Variants in HP1BP3 observed in about 807,000 individuals in gnomAD.
HP1BP3 encodes the protein heterochromatin protein 1 binding protein 3, also known as heterochromatin protein 1-binding protein 3.
A neutral mutation model predicts 62.5 loss-of-function variants in HP1BP3; 12 were observed. The ratio of observed to expected loss-of-function variants is 0.19; its 90% confidence interval spans 0.12 to 0.31. HP1BP3 has a LOEUF of 0.31. HP1BP3 is among the 10% of genes least tolerant of loss of function. HP1BP3 has a pLI of 1.00. For synonymous variants in HP1BP3, 260 were observed against 237.8 expected (o/e 1.09, Z -0.86); for missense variants, 502 against 651.8 (o/e 0.77, Z 2.50).
At chr1:20,775,637 A>T in intron 4 of HP1BP3, 1 of 188,996 alleles carries the variant, frequency 5.3e-6, no homozygotes, top group Non-Finnish European at 1.1e-5. Flanking sequence ...CATTCATGGT[A>T]GGTGTCCTAC....
chr1:20,764,640 A>G (rs1208005895), intron 8 of HP1BP3, among the ~76,000 whole-genome samples: 1 of 150,682 alleles, frequency 6.6e-6, no homozygotes, highest in African/African-American at 2.4e-5. Context: ...GACAACATTT[A>G]AAAGAGTTAC....
chr1:20,749,416 T>C (rs56356353), intron 10 of HP1BP3, among the ~76,000 whole-genome samples: 2,909 of 151,436 alleles, frequency 0.019, 27 homozygotes, highest in Non-Finnish European at 0.024. Flanking sequence ...TGGAGTACAA[T>C]GGTGCAATCT....
At chr1:20,786,099 G>C (rs2057811771) in intron 1 of HP1BP3, 1 of 151,660 alleles carries the variant, frequency 6.6e-6, no homozygotes, top group South Asian at 2.1e-4. Context: ...CTCCGTACGG[G>C]AGACAACTCT....
Position 20,747,658 on chromosome 1 carries a change from GAA to G in HP1BP3, c.1142-5_1142-4del. On this transcript the variant is annotated splice_region_variant and splice_polypyrimidine_tract_variant and intron_variant, in intron 10 of 12. Coordinates refer to ENST00000438032, the MANE Select transcript of HP1BP3 (RefSeq NM_001372052.1). The stretch of plus-strand genomic sequence containing the variant: ...CAGGGTTTTTTTCAGCAAATGCACT[GAA>G]AAAAAAAATTCAGAAATGAAAGTTA... 1.3e-6 allele frequency: 2 copies of G among 1,506,412 alleles called. No homozygotes were observed. The highest frequency in any genetic ancestry group is 1.8e-6 in the Non-Finnish European group (2 of 1,106,680). The allele number at this position is 1,506,412 out of a possible 1,614,324, so 93.3% of individuals were successfully genotyped here.
rs1252948654 is a variant in HP1BP3 at position 20,744,574 on chromosome 1, G to A, written c.*223C>T. The stretch of plus-strand genomic sequence containing the variant: ...ACATTACATAGTTTAGGAAAGTCCA[G>A]GATTATTGCAGAAATTAAAATGAAC... On this transcript the variant is annotated 3_prime_UTR_variant, in exon 13 of 13. Transcript: ENST00000438032. 1 of 529,962 alleles carries A rather than the reference G, an allele frequency of 1.9e-6. No homozygotes were observed. The highest frequency in any genetic ancestry group is 1.9e-5 in the African/African-American group (1 of 52,002). 32.8% of individuals were successfully genotyped at this position (529,962 alleles called of 1,614,324 possible).
chr1:20,787,274 C>A lies in HP1BP3; in HGVS notation c.-180G>T. ...TCCCGCCGCCGCTAGTCGCCTCCGC[C>A]ACCGCTGTCCTCCAGTCCCAGCCGC... On this transcript the variant is annotated 5_prime_UTR_variant, in exon 1 of 13. Transcript: ENST00000438032. 6.6e-6 allele frequency: 1 copy of A among 151,830 alleles called. No homozygotes were observed. The highest frequency in any genetic ancestry group is 1.8e-4 in the South Asian group (1 of 5,562). The allele number at this position is 151,830 out of a possible 1,614,324, so 9.4% of individuals were successfully genotyped here.
rs2055118416 is a variant in HP1BP3 at position 20,742,748 on chromosome 1, C to G, written c.*2049G>C. 6.6e-6 allele frequency: 1 copy of G among 152,570 alleles called. No homozygotes were observed. The highest frequency in any genetic ancestry group is 2.1e-4 in the South Asian group (1 of 4,834). 9.5% of individuals were successfully genotyped at this position (152,570 alleles called of 1,614,324 possible). On this transcript the variant is annotated 3_prime_UTR_variant, in exon 13 of 13. Transcript: ENST00000438032. ...TACATTAAAAAAGGAAGATTTACAA[C>G]AGGAAAGATTGCCTTACATGCAACA...
chr1:20,760,166 C>T (rs140704854), intron 8 of HP1BP3, among the ~76,000 whole-genome samples: 114 of 152,176 alleles, frequency 7.5e-4, no homozygotes, highest in Non-Finnish European at 1.2e-3. Context: ...GGATTACAGA[C>T]GTGAGCCACC....
intron 6 of HP1BP3, among the ~76,000 whole-genome samples, chr1:20,768,742 A>C (rs2056910664): frequency 6.6e-6 from 1 of 152,140 alleles, no homozygotes; most frequent in South Asian, 2.1e-4. Flanking sequence ...CAGGAGACTA[A>C]GGCAGGAGAA....
chr1:20,786,288 G>A (rs567082585), intron 1 of HP1BP3: 2 of 152,384 alleles, frequency 1.3e-5, no homozygotes, highest in African/African-American at 4.8e-5. Context: ...CACCGCCTAA[G>A]GTGGCGAGTA....
chr1:20,747,574 G>C lies in HP1BP3; in HGVS notation c.1223C>G (p.Thr408Ser). 6.2e-7 allele frequency: 1 copy of C among 1,612,554 alleles called. No homozygotes were observed. The highest frequency in any genetic ancestry group is 8.5e-7 in the Non-Finnish European group (1 of 1,178,962). The stretch of plus-strand genomic sequence containing the variant: ...ATAATAGGGAAAACAGAGCTGGAAG[G>C]TGCCACTGAACCCTTTCCCAGAGAT... ...EQISGKGFSG[T>S]FQLCFPYYPS... The change falls in exon 11 of 13, where the codon ACC becomes AGC. Residue 408 changes from threonine (T) to serine (S), a missense_variant. Thr to Ser is a moderately conservative substitution (Grantham distance 58, BLOSUM62 1). This residue lies in a region of HP1BP3 where 194 missense variants were observed against 207.0 expected (regional missense o/e 0.94). Coordinates refer to ENST00000438032, the MANE Select transcript of HP1BP3 (RefSeq NM_001372052.1).
chr1:20,776,168 CT>C, intron 4 of HP1BP3: 1 of 611,232 alleles, frequency 1.6e-6, no homozygotes, highest in East Asian at 3.0e-5. Context: ...CTACCAATGG[CT>C]TGATACAAAT....
chr1:20,748,449 C>A (rs952598000), intron 10 of HP1BP3, among the ~76,000 whole-genome samples: 2 of 152,230 alleles, frequency 1.3e-5, no homozygotes, highest in Non-Finnish European at 2.9e-5. Flanking sequence ...CTTAAAACAT[C>A]TGGCATATAG....
At position 20,740,447 on chromosome 1, in the gene HP1BP3, TA is replaced by T. The variant is rs1394101248; in HGVS notation, c.*4349del. Among the ~76,000 whole-genome samples the T allele has an allele frequency of 2.6e-5, 4 of 152,128 alleles. No individual in the cohort carries two copies. Among genetic ancestry groups the T allele is most frequent in the Admixed American group, 2.6e-4 (4 of 15,268 alleles). ...ACAGTTAAAACAGTTAAAAAGCTGA[TA>T]AAATTAAATCATCAAAGGTAGAAAG... On this transcript the variant is annotated 3_prime_UTR_variant, in exon 13 of 13. Transcript: ENST00000438032.
At chr1:20,778,592 C>T (rs1340223211) in intron 3 of HP1BP3, among the ~76,000 whole-genome samples, 9 of 152,182 alleles carry the variant, frequency 5.9e-5, no homozygotes, top group Non-Finnish European at 1.5e-5. Flanking sequence ...CTTCAACTTA[C>T]CAGCACCCGT....
intron 8 of HP1BP3, among the ~76,000 whole-genome samples, chr1:20,759,828 T>G (rs189933202): frequency 1.0e-3 from 157 of 151,474 alleles, no homozygotes; most frequent in African/African-American, 3.5e-3. Context: ...AGGAGTAGCT[T>G]AGGTCAGAGA....
At chr1:20,781,633 T>TC (rs1484671047) in intron 1 of HP1BP3, among the ~76,000 whole-genome samples, 1 of 152,184 alleles carries the variant, frequency 6.6e-6, no homozygotes, top group African/African-American at 2.4e-5. Context: ...TAAATTTTTT[T>TC]TTTCTTTTTT....
At chr1:20,765,256 A>G (rs111259262) in intron 8 of HP1BP3, 121 bp downstream of exon 8, 25 of 592,268 alleles carry the variant, frequency 4.2e-5, no homozygotes, top group African/African-American at 3.5e-4. Context: ...AACCAATAAA[A>G]AAGATTTATT....
intron 9 of HP1BP3, 108 bp from the exon 10 acceptor site, chr1:20,749,990 A>G (rs2055607211): frequency 2.0e-6 from 3 of 1,489,764 alleles, no homozygotes; most frequent in East Asian, 2.4e-5. Flanking sequence ...ATTAGCACAG[A>G]TATGTTTTAC....
Sources: allele counts gnomAD v4.1 joint callset (sites outside exome capture counted in the v4.1 genomes callset), GRCh38; gene constraint gnomAD v4.1.1; regional missense constraint gnomAD v4.1.1; transcripts MANE v1.5; gene names NCBI Gene and HGNC (gene_info 2026-07-23, HGNC 2026-07-21).